The following CCDC141 variants were observed in gnomAD, a reference collection of about 807,000 sequenced individuals.
The protein encoded by CCDC141 is coiled-coil domain-containing protein 141.
CCDC141 carries 168 observed loss-of-function variants against 181.0 expected under a neutral mutation model. The ratio of observed to expected loss-of-function variants is 0.93; its 90% CI spans 0.82 to 1.05. The LOEUF is 1.05. CCDC141 is among the 50% of genes least tolerant of loss of function. The probability of loss-of-function intolerance (pLI) is 0.00; values close to 1 mark genes in which losing one functional copy is unlikely to be tolerated. For synonymous variants in CCDC141, 666 were observed against 642.3 expected (o/e 1.04, Z -0.56); for missense variants, 1,902 against 1,788.5 (o/e 1.06, Z -1.14).
chr2:178,935,159 A>C (rs889957091), intron 6 of CCDC141, among the ~76,000 whole-genome samples: 5 of 151,946 alleles, frequency 3.3e-5, no homozygotes, highest in African/African-American at 9.7e-5. Context: ...GGATACAGTG[A>C]AGGTTTGTTA....
intron 22 of CCDC141, among the ~76,000 whole-genome samples, chr2:178,839,083 G>A (rs555085416): frequency 3.3e-5 from 5 of 152,064 alleles, no homozygotes; most frequent in Non-Finnish European, 5.9e-5. Flanking sequence ...ATTTTAGCCC[G>A]TAGTCCTGCT....
At chr2:178,871,381 T>C in intron 14 of CCDC141, 46 bp downstream of exon 14, 1 of 1,585,376 alleles carries the variant, frequency 6.3e-7, no homozygotes, top group Non-Finnish European at 8.6e-7. Context: ...CAAACAGTTT[T>C]AAGTATTTTT....
intron 19 of CCDC141, among the ~76,000 whole-genome samples, chr2:178,854,099 T>G (rs1452496407): frequency 6.6e-6 from 1 of 152,242 alleles, no homozygotes. Flanking sequence ...CTCTAATAAA[T>G]AAATTATCTT....
intron 2 of CCDC141, among the ~76,000 whole-genome samples, chr2:178,980,232 G>A (rs1362111629): frequency 6.6e-6 from 1 of 152,084 alleles, no homozygotes; most frequent in Non-Finnish European, 1.5e-5. Flanking sequence ...GGCAGATCAC[G>A]AGGTCAAGAG....
rs1690446143 is a variant in CCDC141, at chr2:178,962,411, G to T, written c.527-928C>A. Reference sequence around the variant, plus strand: ...CATCCCGCCATCATCAAGACCTGTTGATTTTACATGCTATCTCTGGCATCT... The same window carrying T: ...CATCCCGCCATCATCAAGACCTGTTTATTTTACATGCTATCTCTGGCATCT... On this transcript the variant is annotated intron_variant, in intron 4 of 23. Coordinates refer to ENST00000443758, the MANE Select transcript of CCDC141 (RefSeq NM_173648.4). Among the ~76,000 whole-genome samples, 4 of 152,212 alleles carry T rather than the reference G, an allele frequency of 2.6e-5. No individual in the cohort carries two copies. The South Asian group carries it at 8.3e-4, about 32-fold the overall frequency.
At position 178,837,693 on chromosome 2, in the gene CCDC141, G is replaced by A. The variant is rs143765782; in HGVS notation, c.3526C>T (p.Arg1176Ter). The change falls in exon 23 of 24, where the codon CGA (arginine) becomes TGA (stop). Residue 1176 changes from arginine (R) to a stop codon, truncating the protein, a stop_gained. Coordinates refer to ENST00000443758, the MANE Select transcript of CCDC141 (RefSeq NM_173648.4). LOFTEE classifies it high-confidence loss of function. ...LLGINGTGEERLPQDLKVSTD... is the reference protein window; with the variant it reads ...LLGINGTGEE Reference sequence around the variant, plus strand: ...GACACCTTCAGGTCTTGTGGTAGTCGCTCTTCCCCTGTTCCATTGATGCCC... The same window carrying A: ...GACACCTTCAGGTCTTGTGGTAGTCACTCTTCCCCTGTTCCATTGATGCCC... 2.8e-4 allele frequency: 444 copies of A among 1,613,716 alleles called. No individual in the cohort carries two copies. Among genetic ancestry groups the A allele is most frequent in the African/African-American group, 3.3e-4 (25 of 74,920 alleles).
intron 11 of CCDC141, among the ~76,000 whole-genome samples, chr2:178,880,455 C>G (rs368353962): frequency 6.6e-6 from 1 of 151,832 alleles, no homozygotes; most frequent in South Asian, 2.1e-4. Flanking sequence ...CAGAAGATGA[C>G]GTCATTAAGC....
At chr2:179,015,231 C>A (rs376112999) in intron 2 of CCDC141, among the ~76,000 whole-genome samples, 1,999 of 104,374 alleles carry the variant, frequency 0.019, 164 homozygotes, top group Admixed American at 0.16. Context: ...ATATATACCT[C>A]ATATATATAT....
At position 178,871,617 on chromosome 2, in the gene CCDC141, C is replaced by T; in HGVS notation, c.2080-65G>A. On this transcript the variant is annotated intron_variant, in intron 13 of 23. Transcript: ENST00000443758. ...GACATCTCCAGCAAATTTGATCATT[C>T]TAGGTATGACGCAGAGTGTGATCAA... 9.6e-6 allele frequency: 15 copies of T among 1,570,304 alleles called. No homozygotes were observed. The South Asian group carries it at 1.7e-4, about 18-fold the overall frequency.
chr2:178,949,945 A>C (rs1689882189), intron 5 of CCDC141, among the ~76,000 whole-genome samples: 1 of 152,168 alleles, frequency 6.6e-6, no homozygotes, highest in Admixed American at 6.5e-5. Flanking sequence ...ACTGCAGTTT[A>C]TTTTTCTGCA....
intron 2 of CCDC141, among the ~76,000 whole-genome samples, chr2:178,981,645 TATATATATATATACATAC>T (rs1434704105): frequency 1.1e-5 from 1 of 92,964 alleles, no homozygotes; most frequent in Non-Finnish European, 2.6e-5. Flanking sequence ...TGTATATATA[TATATATATATATACATAC>T]ATATATACAT....
Position 178,905,313 on chromosome 2 carries a change from A to C in CCDC141, c.1265+16T>G. On this transcript the variant is annotated intron_variant, in intron 8 of 23. Transcript: ENST00000443758. ...AAAAAGCTTGTTACACTGAGAAAGA[A>C]ATCAACTTTACTCACCTGCAGGAGT... 6.5e-7 allele frequency: 1 copy of C among 1,531,570 alleles called. No individual in the cohort carries two copies. Among genetic ancestry groups the C allele is most frequent in the Non-Finnish European group, 8.8e-7 (1 of 1,139,072 alleles). The allele number at this position is 1,531,570 out of a possible 1,614,324, so 94.9% of individuals were successfully genotyped here.
intron 2 of CCDC141, among the ~76,000 whole-genome samples, chr2:179,021,057 T>C (rs2042678520): frequency 6.6e-6 from 1 of 152,220 alleles, no homozygotes; most frequent in Admixed American, 6.5e-5. Flanking sequence ...TAACTTAGCA[T>C]AATCACCATC....
chr2:178,949,321 T>A (rs1295027659), intron 5 of CCDC141, among the ~76,000 whole-genome samples: 3 of 152,176 alleles, frequency 2.0e-5, no homozygotes, highest in African/African-American at 7.2e-5. Context: ...ACAACATAAT[T>A]TCAACCAACC....
At chr2:179,038,647 A>G (rs2043209345) in intron 2 of CCDC141, among the ~76,000 whole-genome samples, 2 of 152,204 alleles carry the variant, frequency 1.3e-5, no homozygotes, top group South Asian at 4.1e-4. Flanking sequence ...TTTACTACTA[A>G]TATATTCTAT....
chr2:178,882,687 G>A (rs570497193), intron 11 of CCDC141, among the ~76,000 whole-genome samples: 1 of 152,262 alleles, frequency 6.6e-6, no homozygotes, highest in South Asian at 2.1e-4. Flanking sequence ...GCCAACTAGG[G>A]AGCATATGGG....
the CCDC141 span, among the ~76,000 whole-genome samples, chr2:178,824,614 C>G: frequency 1.5e-3 from 109 of 73,812 alleles, no homozygotes; most frequent in African/African-American, 5.8e-3. Context: ...AGTGAGACTT[C>G]GTCAAAAAAA....
At chr2:179,025,744 A>G (rs537428647) in intron 2 of CCDC141, among the ~76,000 whole-genome samples, 51 of 152,328 alleles carry the variant, frequency 3.3e-4, no homozygotes, top group African/African-American at 1.2e-3. Context: ...GGCTCAGAAG[A>G]AGACAGGAAA....
At position 178,929,077 on chromosome 2, in the gene CCDC141, C is replaced by T. The variant is rs114654736; in HGVS notation, c.898-10170G>A. Reference sequence around the variant, plus strand: ...ACAGGGGAATTGAAATGCTCTGATGCAGGTGTCTTACTCTTTGGAGAACTC... The same window carrying T: ...ACAGGGGAATTGAAATGCTCTGATGTAGGTGTCTTACTCTTTGGAGAACTC... On this transcript the variant is annotated intron_variant, in intron 6 of 23. Coordinates refer to ENST00000443758, the MANE Select transcript of CCDC141 (RefSeq NM_173648.4). 3.9e-5 allele frequency among the ~76,000 whole-genome samples: 6 copies of T among 152,246 alleles called. No homozygotes were observed. In the East Asian group the frequency reaches 9.6e-4, roughly 24 times the overall value.
Sources: allele counts gnomAD v4.1 joint callset (sites outside exome capture counted in the v4.1 genomes callset), GRCh38; gene constraint gnomAD v4.1.1; transcripts MANE v1.5; gene names NCBI Gene and HGNC (gene_info 2026-07-23, HGNC 2026-07-21).